The following FOXK2 variants were observed in gnomAD, a reference collection of about 807,000 sequenced individuals.
FOXK2 encodes the protein forkhead box protein K2.
Under a neutral mutation model 53.3 loss-of-function variants are expected in FOXK2, and 24 were observed. That is an observed-to-expected ratio of 0.45 (90% CI 0.33 to 0.63). The LOEUF is 0.63. Among genes scored for constraint, FOXK2 ranks in the 30% least tolerant of loss-of-function variants. FOXK2 has a pLI of 0.03. For synonymous variants in FOXK2, 505 were observed against 407.1 expected (o/e 1.24, Z -2.89); for missense variants, 952 against 910.5 (o/e 1.05, Z -0.59).
intron 8 of FOXK2, among the ~76,000 whole-genome samples, chr17:82,594,915 C>T (rs978241639): frequency 1.3e-5 from 2 of 152,166 alleles, no homozygotes; most frequent in Non-Finnish European, 2.9e-5. Flanking sequence ...GGCGGCAGCA[C>T]CTGTAGTCCC....
intron 1 of FOXK2, among the ~76,000 whole-genome samples, chr17:82,531,788 C>T (rs983282917): frequency 6.6e-6 from 1 of 152,174 alleles, no homozygotes; most frequent in African/African-American, 2.4e-5. Flanking sequence ...AATGTGAAGG[C>T]CTAGGACGTG....
rs1405843709 is a variant in FOXK2 at position 82,603,832 on chromosome 17, C to G, written c.*2333C>G. On this transcript the variant is annotated 3_prime_UTR_variant, in exon 9 of 9. Coordinates refer to ENST00000335255, the MANE Select transcript of FOXK2 (RefSeq NM_004514.4). ...CTCCTGTCTCCTCCTCACTCTGCCACGTTCACTTGGCTTTTTCATTGGTAC... is the reference window on the plus strand; with the variant it reads ...CTCCTGTCTCCTCCTCACTCTGCCAGGTTCACTTGGCTTTTTCATTGGTAC... The G allele has an allele frequency of 6.6e-6, 1 of 151,772 alleles. No homozygotes were observed. The allele number at this position is 151,772 out of a possible 1,614,324, so 9.4% of individuals were successfully genotyped here.
chr17:82,601,626 A>T lies in FOXK2; in HGVS notation c.*127A>T. 1 of 926,742 alleles carries T rather than the reference A, an allele frequency of 1.1e-6. No homozygotes were observed. Among genetic ancestry groups the T allele is most frequent in the Admixed American group, 2.9e-5 (1 of 34,606 alleles). 57.4% of individuals were successfully genotyped at this position (926,742 alleles called of 1,614,324 possible). ...TCACCTCTCAGCACTGAAAACCCAAAACCCAGCTGGCCTTAACACTCCTTA... is the reference window on the plus strand; with the variant it reads ...TCACCTCTCAGCACTGAAAACCCAATACCCAGCTGGCCTTAACACTCCTTA... On this transcript the variant is annotated 3_prime_UTR_variant, in exon 9 of 9. Transcript: ENST00000335255.
chr17:82,592,834 GT>G (rs920587577), intron 8 of FOXK2, among the ~76,000 whole-genome samples: 1 of 152,152 alleles, frequency 6.6e-6, no homozygotes, highest in African/African-American at 2.4e-5. Flanking sequence ...CCCTGTGAAG[GT>G]CTCCCTGTGC....
At chr17:82,587,826 T>C (rs904384850) in intron 8 of FOXK2, among the ~76,000 whole-genome samples, 5 of 152,214 alleles carry the variant, frequency 3.3e-5, no homozygotes, top group African/African-American at 1.2e-4. Context: ...CCCTGCTGGC[T>C]GCCGAGTCAA....
chr17:82,565,285 C>T (rs1377385890), intron 2 of FOXK2, among the ~76,000 whole-genome samples: 1 of 151,992 alleles, frequency 6.6e-6, no homozygotes, highest in Non-Finnish European at 1.5e-5. Flanking sequence ...GATTTGATAC[C>T]AAAGGCACAG....
intron 8 of FOXK2, among the ~76,000 whole-genome samples, chr17:82,590,851 G>A (rs1391082973): frequency 6.6e-6 from 1 of 152,188 alleles, no homozygotes; most frequent in African/African-American, 2.4e-5. Flanking sequence ...TGTGCAGGGA[G>A]GGACTGCACA....
At chr17:82,562,756 T>C (rs768922855) in intron 1 of FOXK2, among the ~76,000 whole-genome samples, 47 of 152,164 alleles carry the variant, frequency 3.1e-4, no homozygotes, top group Admixed American at 8.5e-4. Context: ...AGGCACTTAG[T>C]TTAAAAGCAG....
chr17:82,530,935 G>A lies in FOXK2; in HGVS notation c.419+10628G>A, dbSNP rs535325557. ...TTTTTGCCATTTCTGAGCTGTTGGA[G>A]GATGTTAGGATAATGAACATCATTT... On this transcript the variant is annotated intron_variant, in intron 1 of 8. Coordinates refer to ENST00000335255, the MANE Select transcript of FOXK2 (RefSeq NM_004514.4). 5.3e-5 allele frequency among the ~76,000 whole-genome samples: 8 copies of A among 152,292 alleles called. No individual in the cohort carries two copies. In the South Asian group the frequency reaches 6.2e-4, roughly 12 times the overall value.
chr17:82,549,130 C>T (rs762914499), intron 1 of FOXK2, among the ~76,000 whole-genome samples: 8 of 152,220 alleles, frequency 5.3e-5, no homozygotes, highest in Non-Finnish European at 1.2e-4. Context: ...CTTTGTTTTA[C>T]GAGGCCACTT....
chr17:82,537,108 A>G (rs143232954), intron 1 of FOXK2, among the ~76,000 whole-genome samples: 40 of 152,214 alleles, frequency 2.6e-4, no homozygotes, highest in African/African-American at 9.4e-4. Context: ...TGCTGGATCC[A>G]CTCAGCTCCT....
intron 4 of FOXK2, among the ~76,000 whole-genome samples, chr17:82,578,776 G>C (rs1235441472): frequency 1.3e-5 from 2 of 152,162 alleles, no homozygotes; most frequent in Non-Finnish European, 2.9e-5. Flanking sequence ...GAAAATAGCA[G>C]CTCCCCAATT....
At chr17:82,587,325 C>T (rs1489938865) in intron 8 of FOXK2, 53 bp downstream of exon 8, 1 of 1,359,164 alleles carries the variant, frequency 7.4e-7, no homozygotes, top group South Asian at 1.2e-5. Context: ...GGGAGCAGAG[C>T]CCCTTCTCAC....
chr17:82,571,752 C>A lies in FOXK2; in HGVS notation c.791C>A (p.Ala264Glu). Residue 264 changes from alanine to glutamate, a missense_variant, in exon 4 of 9, where the codon GCG becomes GAG. Coordinates refer to ENST00000335255, the MANE Select transcript of FOXK2 (RefSeq NM_004514.4). ...GATTCAAAGCCGCCTTACTCCTACG[C>A]GCAGCTGATAGTTCAGGCGATTACG... ...KDDSKPPYSYAQLIVQAITMA... is the reference protein window; with the variant it reads ...KDDSKPPYSYEQLIVQAITMA... The A allele has an allele frequency of 1.3e-6, 2 of 1,585,694 alleles. No individual in the cohort carries two copies. Among genetic ancestry groups the A allele is most frequent in the Non-Finnish European group, 8.6e-7 (1 of 1,169,488 alleles).
intron 4 of FOXK2, among the ~76,000 whole-genome samples, chr17:82,575,355 T>A (rs888400904): frequency 6.6e-6 from 1 of 152,152 alleles, no homozygotes; most frequent in African/African-American, 2.4e-5. Flanking sequence ...TTTAGTCTAT[T>A]TCTAGCACAC....
chr17:82,585,956 A>G lies in FOXK2; in HGVS notation c.1332A>G (p.Pro444=). 1 of 1,612,744 alleles carries G rather than the reference A, an allele frequency of 6.2e-7. No individual in the cohort carries two copies. The highest frequency in any genetic ancestry group is 8.5e-7 in the Non-Finnish European group (1 of 1,179,902). ...TAATCACCGTCCAGCGGCAGCTACC[A>G]CAGGCCATCAAGCCTGTCACCTACA... is the stretch of plus-strand genomic sequence containing the variant. ...PVLITVQRQL[P]QAIKPVTYTV... The change falls in exon 7 of 9, where the codon CCA becomes CCG. Residue 444 remains proline (P), a synonymous_variant. Coordinates refer to ENST00000335255, the MANE Select transcript of FOXK2 (RefSeq NM_004514.4).
chr17:82,545,236 A>T (rs796707408), intron 1 of FOXK2, among the ~76,000 whole-genome samples: 29 of 151,730 alleles, frequency 1.9e-4, no homozygotes, highest in African/African-American at 6.8e-4. Context: ...ATCAGCATCC[A>T]CCTCTCCCAG....
In FOXK2 at chr17:82,601,761, C is replaced by G. The variant is rs568275623; in HGVS notation, c.*262C>G. The G allele has an allele frequency of 5.2e-6, 2 of 384,894 alleles. No homozygotes were observed. The highest frequency in any genetic ancestry group is 4.7e-6 in the Non-Finnish European group (1 of 210,678). 23.8% of individuals were successfully genotyped at this position (384,894 alleles called of 1,614,324 possible). On this transcript the variant is annotated 3_prime_UTR_variant, in exon 9 of 9. Coordinates refer to ENST00000335255, the MANE Select transcript of FOXK2 (RefSeq NM_004514.4). ...TGAGCTTCTACCTACGAGTGAAACT[C>G]TGTCCTCCCGCGAGGACCAGGCATC...
At chr17:82,589,397 AATATAG>A (rs2045230979) in intron 8 of FOXK2, among the ~76,000 whole-genome samples, 2 of 152,390 alleles carry the variant, frequency 1.3e-5, no homozygotes, top group Admixed American at 1.3e-4. Context: ...GCAGCAATAA[AATATAG>A]ATATAAATAT....
Sources: allele counts gnomAD v4.1 joint callset (sites outside exome capture counted in the v4.1 genomes callset), GRCh38; gene constraint gnomAD v4.1.1; transcripts MANE v1.5; gene names NCBI Gene and HGNC (gene_info 2026-07-23, HGNC 2026-07-21).